MACROD2: variants seen among roughly 807,000 people sequenced by gnomAD.
The protein encoded by MACROD2 is mono-ADP ribosylhydrolase 2.
Under a neutral mutation model 70.4 loss-of-function variants are expected in MACROD2, and 36 were observed. The ratio of observed to expected loss-of-function variants is 0.51; its 90% confidence interval spans 0.39 to 0.68. MACROD2 has a LOEUF of 0.68. Ranked by LOEUF, MACROD2 falls within the 30% of genes least tolerant of loss-of-function variation. MACROD2 has a pLI of 0.00. For synonymous variants in MACROD2, 172 were observed against 178.8 expected, an observed-to-expected ratio of 0.96 and a Z score of 0.30; for missense variants, 496 against 538.4, an observed-to-expected ratio of 0.92 and a Z score of 0.78.
At chr20:15,019,288 T>C (rs1365915560) in intron 5 of MACROD2, among the ~76,000 whole-genome samples, 1 of 152,220 alleles carries the variant, frequency 6.6e-6, no homozygotes, top group Non-Finnish European at 1.5e-5. Context: ...AAGAACGTTA[T>C]ATCATGTAGT....
In MACROD2 at chr20:16,038,362, A is replaced by G. The variant is rs138519224; in HGVS notation, c.1154-2839A>G. On this transcript the variant is annotated intron_variant, in intron 15 of 17. Transcript: ENST00000684519. ...AAATATTCCTTTTGCTCTATTTTAC[A>G]TAGGATAAATCCTATCTCATATGGT... Among the ~76,000 whole-genome samples the G allele has an allele frequency of 2.0e-3, 302 of 152,046 alleles. 1 individual carries two copies. The highest frequency in any genetic ancestry group is 6.7e-3 in the African/African-American group (277 of 41,516).
At chr20:14,658,258 A>C (rs1986068343) in intron 4 of MACROD2, among the ~76,000 whole-genome samples, 1 of 152,188 alleles carries the variant, frequency 6.6e-6, no homozygotes, top group Admixed American at 6.5e-5. Flanking sequence ...CTTTTCTTCC[A>C]AGTTATACTC....
intron 10 of MACROD2, among the ~76,000 whole-genome samples, chr20:15,909,813 G>A (rs1435879892): frequency 6.6e-6 from 1 of 152,076 alleles, no homozygotes; most frequent in Non-Finnish European, 1.5e-5. Flanking sequence ...GTGAGCCACC[G>A]CGCCCGGCCG....
intron 4 of MACROD2, among the ~76,000 whole-genome samples, chr20:14,655,064 C>T (rs1031622836): frequency 1.3e-5 from 2 of 151,908 alleles, no homozygotes; most frequent in African/African-American, 4.8e-5. Context: ...AATATTTTCT[C>T]TGACTATAGT....
chr20:15,417,377 G>T (rs1208663301), intron 6 of MACROD2, among the ~76,000 whole-genome samples: 1 of 151,710 alleles, frequency 6.6e-6, no homozygotes, highest in African/African-American at 2.4e-5. Flanking sequence ...GATTGCTTGA[G>T]CTCAGGAGTT....
intron 8 of MACROD2, among the ~76,000 whole-genome samples, chr20:15,623,013 C>G (rs954331656): frequency 6.6e-6 from 1 of 152,008 alleles, no homozygotes; most frequent in African/African-American, 2.4e-5. Context: ...GATATCAATG[C>G]GTTAATTCTG....
At chr20:15,313,889 A>T (rs1407299001) in intron 6 of MACROD2, among the ~76,000 whole-genome samples, 2 of 152,210 alleles carry the variant, frequency 1.3e-5, no homozygotes, top group Non-Finnish European at 2.9e-5. Context: ...TTATTTCATG[A>T]CTAAAACTCT....
intron 5 of MACROD2, among the ~76,000 whole-genome samples, chr20:15,116,180 C>T (rs2075990413): frequency 6.6e-6 from 1 of 152,070 alleles, no homozygotes; most frequent in South Asian, 2.1e-4. Flanking sequence ...TACAGTTGAC[C>T]CTTGAATAAC....
chr20:15,635,627 T>G (rs570547315), intron 8 of MACROD2, among the ~76,000 whole-genome samples: 6 of 152,270 alleles, frequency 3.9e-5, no homozygotes, highest in Admixed American at 3.3e-4. Flanking sequence ...GTTAAAAAAC[T>G]ATTGGGTACT....
intron 6 of MACROD2, among the ~76,000 whole-genome samples, chr20:15,347,813 C>G (rs1406557644): frequency 1.3e-5 from 2 of 152,164 alleles, no homozygotes; most frequent in East Asian, 3.8e-4. Context: ...TCAACTGCTT[C>G]TGACACATAG....
intron 5 of MACROD2, among the ~76,000 whole-genome samples, chr20:15,008,623 A>G (rs543323452): frequency 2.0e-5 from 3 of 152,252 alleles, no homozygotes; most frequent in African/African-American, 4.8e-5. Flanking sequence ...TTAAGTATGA[A>G]AGGCTCTTTG....
intron 6 of MACROD2, among the ~76,000 whole-genome samples, chr20:15,253,693 C>T (rs962916872): frequency 5.9e-5 from 9 of 152,140 alleles, no homozygotes; most frequent in South Asian, 2.1e-4. Flanking sequence ...CTATGGGAAA[C>T]TGATACAATC....
At chr20:15,820,994 A>T (rs944145900) in intron 8 of MACROD2, among the ~76,000 whole-genome samples, 3 of 152,104 alleles carry the variant, frequency 2.0e-5, no homozygotes, top group African/African-American at 4.8e-5. Context: ...AGAGGCTAGC[A>T]TTTACCTCTC....
chr20:14,423,210 A>G (rs2083894373), intron 3 of MACROD2, among the ~76,000 whole-genome samples: 1 of 152,236 alleles, frequency 6.6e-6, no homozygotes, highest in African/African-American at 2.4e-5. Context: ...GCAAGTATGA[A>G]TAAAGACACC....
intron 3 of MACROD2, among the ~76,000 whole-genome samples, chr20:14,093,071 TTTGACTCTA>T (rs2054173266): frequency 6.6e-6 from 1 of 152,082 alleles, no homozygotes; most frequent in African/African-American, 2.4e-5. Context: ...GTACTTTTAG[TTTGACTCTA>T]TTTTACCTTA....
chr20:14,485,701 CAAAA>C (rs1276490399), intron 3 of MACROD2, among the ~76,000 whole-genome samples: 2 of 61,870 alleles, frequency 3.2e-5, no homozygotes, highest in Non-Finnish European at 5.4e-5. Flanking sequence ...GACTCCGTCT[CAAAA>C]AAAAAAAAAA....
intron 3 of MACROD2, among the ~76,000 whole-genome samples, chr20:14,168,217 A>G (rs2081188230): frequency 6.6e-6 from 1 of 152,236 alleles, no homozygotes; most frequent in South Asian, 2.1e-4. Context: ...CTACAAACAC[A>G]TAAATATTTT....
intron 8 of MACROD2, among the ~76,000 whole-genome samples, chr20:15,583,316 A>G (rs924518857): frequency 1.3e-5 from 2 of 152,204 alleles, no homozygotes; most frequent in African/African-American, 4.8e-5. Context: ...AAAAACGGAG[A>G]AAGTATAGGG....
At chr20:15,259,062 A>G (rs6034136) in intron 6 of MACROD2, among the ~76,000 whole-genome samples, 1,613 of 152,144 alleles carry the variant, frequency 0.011, 28 homozygotes, top group African/African-American at 0.037. Flanking sequence ...CTCTTTTATC[A>G]ATAGTAATTG....
Sources: gnomAD v4.1 joint callset for allele counts (sites outside exome capture counted in the v4.1 genomes callset) on GRCh38, gnomAD v4.1.1 for gene constraint, MANE v1.5 for transcripts, NCBI Gene and HGNC (gene_info 2026-07-23, HGNC 2026-07-21) for gene names.